PLD5: variants seen among roughly 807,000 people sequenced by gnomAD.
The protein encoded by PLD5 is phospholipase D family member 5.
PLD5 carries 36 observed loss-of-function variants against 61.1 expected under a neutral mutation model. The observed-to-expected ratio is 0.59, with a 90% CI of 0.45 to 0.78. The LOEUF (loss-of-function observed/expected upper bound fraction) is 0.78. PLD5 is among the 30% of genes least tolerant of loss of function. The pLI is 0.00. For missense variants in PLD5, 515 were observed against 644.4 expected (o/e 0.80, Z 2.17); for synonymous variants, 243 against 242.8 (o/e 1.00, Z -0.01).
chr1:242,120,812 A>G (rs1265667279), intron 6 of PLD5, among the ~76,000 whole-genome samples: 5 of 152,220 alleles, frequency 3.3e-5, no homozygotes, highest in Non-Finnish European at 7.4e-5. Flanking sequence ...CCATCCTCCA[A>G]TTTCAATGGG....
chr1:242,241,351 G>C (rs1249518855), intron 4 of PLD5, among the ~76,000 whole-genome samples: 1 of 152,092 alleles, frequency 6.6e-6, no homozygotes, highest in Non-Finnish European at 1.5e-5. Context: ...GAAGTTATGA[G>C]ATCTTAAAAA....
chr1:242,165,058 G>A (rs758877135), intron 5 of PLD5, among the ~76,000 whole-genome samples: 1 of 152,086 alleles, frequency 6.6e-6, no homozygotes, highest in East Asian at 1.9e-4. Context: ...ATGATATAGT[G>A]GGGGTGAGAG....
intron 1 of PLD5, among the ~76,000 whole-genome samples, chr1:242,509,484 C>T (rs190879483): frequency 5.3e-5 from 8 of 152,308 alleles, no homozygotes; most frequent in Admixed American, 4.6e-4. Context: ...TAGTTATCAG[C>T]GGGGATATTC....
chr1:242,316,399 C>A (rs1045297704), intron 2 of PLD5, among the ~76,000 whole-genome samples: 1 of 152,136 alleles, frequency 6.6e-6, no homozygotes, highest in African/African-American at 2.4e-5. Context: ...TCCACTATTG[C>A]AGGCACCTTC....
chr1:242,240,826 C>G (rs967552597), intron 4 of PLD5, among the ~76,000 whole-genome samples: 1 of 152,042 alleles, frequency 6.6e-6, no homozygotes, highest in Non-Finnish European at 1.5e-5. Flanking sequence ...ATGGCTCTAC[C>G]CTCTTTCTTC....
chr1:242,417,739 T>C (rs1664908334), intron 1 of PLD5, among the ~76,000 whole-genome samples: 1 of 152,186 alleles, frequency 6.6e-6, no homozygotes, highest in South Asian at 2.1e-4. Context: ...TGTGGGAATG[T>C]TCTTGGCATT....
chr1:242,201,617 G>A (rs74326334), intron 5 of PLD5, among the ~76,000 whole-genome samples: 193 of 152,068 alleles, frequency 1.3e-3, no homozygotes, highest in African/African-American at 4.5e-3. Flanking sequence ...AAACTTCCGG[G>A]TTCAAGTGAT....
At chr1:242,282,237 T>C (rs1227509453) in intron 3 of PLD5, among the ~76,000 whole-genome samples, 1 of 152,196 alleles carries the variant, frequency 6.6e-6, no homozygotes, top group Non-Finnish European at 1.5e-5. Context: ...GCAGGTTCTG[T>C]TATCGCCCTG....
At chr1:242,331,024 T>G (rs2149201183) in intron 2 of PLD5, among the ~76,000 whole-genome samples, 1 of 152,286 alleles carries the variant, frequency 6.6e-6, no homozygotes, top group South Asian at 2.1e-4. Context: ...TAACCTGGTT[T>G]AATATTTTTT....
intron 1 of PLD5, among the ~76,000 whole-genome samples, chr1:242,428,427 C>T (rs972089180): frequency 3.3e-5 from 5 of 152,202 alleles, no homozygotes; most frequent in African/African-American, 1.2e-4. Flanking sequence ...TTACTAGGTA[C>T]AGAGTTACCA....
chr1:242,123,723 A>G (rs1376353320), intron 6 of PLD5, among the ~76,000 whole-genome samples: 1 of 152,256 alleles, frequency 6.6e-6, no homozygotes, highest in Admixed American at 6.5e-5. Flanking sequence ...ATGGGCATTG[A>G]ACAAAACGAT....
chr1:242,186,945 T>C (rs978445776), intron 5 of PLD5, among the ~76,000 whole-genome samples: 1 of 152,190 alleles, frequency 6.6e-6, no homozygotes, highest in African/African-American at 2.4e-5. Context: ...GTGAGATAGG[T>C]AGCTTCTTAA....
chr1:242,279,482 A>G (rs1376345289), intron 3 of PLD5, among the ~76,000 whole-genome samples: 1 of 152,068 alleles, frequency 6.6e-6, no homozygotes, highest in Admixed American at 6.6e-5. Context: ...GAAAACCACC[A>G]TATTGGGAGA....
chr1:242,295,835 T>C (rs1675621823), intron 2 of PLD5, among the ~76,000 whole-genome samples: 1 of 152,258 alleles, frequency 6.6e-6, no homozygotes, highest in Admixed American at 6.5e-5. Flanking sequence ...ATAGCCATTC[T>C]GACTGGTGTG....
At chr1:242,200,326 G>T (rs777267538) in intron 5 of PLD5, among the ~76,000 whole-genome samples, 1 of 152,138 alleles carries the variant, frequency 6.6e-6, no homozygotes, top group Non-Finnish European at 1.5e-5. Flanking sequence ...TCTCTGACTT[G>T]TGACTTCTTA....
At chr1:242,501,822 G>C (rs985317994) in intron 1 of PLD5, among the ~76,000 whole-genome samples, 1 of 146,932 alleles carries the variant, frequency 6.8e-6, no homozygotes, top group Non-Finnish European at 1.5e-5. Flanking sequence ...ACTACATCAT[G>C]CTGTACCTTA....
chr1:242,510,518 G>C (rs1181330390), intron 1 of PLD5, among the ~76,000 whole-genome samples: 1 of 152,110 alleles, frequency 6.6e-6, no homozygotes, highest in East Asian at 1.9e-4. Flanking sequence ...TACAGGCCAG[G>C]GTTATAATTA....
chr1:242,102,180 G>A (rs186178344), intron 8 of PLD5, among the ~76,000 whole-genome samples: 15 of 152,290 alleles, frequency 9.8e-5, no homozygotes, highest in East Asian at 1.9e-4. Context: ...ATCACAACAC[G>A]TGGCCACACG....
At chr1:242,306,464 G>C (rs1433210664) in intron 2 of PLD5, among the ~76,000 whole-genome samples, 2 of 151,988 alleles carry the variant, frequency 1.3e-5, no homozygotes, top group African/African-American at 4.8e-5. Context: ...GACTGAAAAC[G>C]GCTCATGCTG....
Sources: gnomAD v4.1 joint callset for allele counts (sites outside exome capture counted in the v4.1 genomes callset) on GRCh38, gnomAD v4.1.1 for gene constraint, MANE v1.5 for transcripts, NCBI Gene and HGNC (gene_info 2026-07-23, HGNC 2026-07-21) for gene names.